The following ROR1 variants were observed in gnomAD, a reference collection of about 807,000 sequenced individuals.
The protein encoded by ROR1 is inactive tyrosine-protein kinase transmembrane receptor ROR1.
Under a neutral mutation model 78.8 loss-of-function variants are expected in ROR1, and 19 were observed. The ratio of observed to expected loss-of-function variants is 0.24; its 90% CI spans 0.17 to 0.35. The LOEUF (loss-of-function observed/expected upper bound fraction) is 0.35. Ranked by LOEUF, ROR1 falls within the 10% of genes least tolerant of loss-of-function variation. The pLI, the probability that ROR1 is intolerant of heterozygous loss-of-function variation, is 1.00. For missense variants in ROR1, 917 were observed against 1,177.8 expected (o/e 0.78, Z 3.24); for synonymous variants, 386 against 433.6 (o/e 0.89, Z 1.36).
At chr1:63,786,256 A>ATTTTTTTTTTTTTTTTT (rs34933492) in intron 1 of ROR1, among the ~76,000 whole-genome samples, 1 of 67,468 alleles carries the variant, frequency 1.5e-5, no homozygotes, top group Non-Finnish European at 2.8e-5. Context: ...CTACAACTTG[A>ATTTTTTTTTTTTTTTTT]TTTTTTTTTT....
intron 1 of ROR1, among the ~76,000 whole-genome samples, chr1:63,818,864 T>C (rs1034450744): frequency 6.6e-6 from 1 of 152,138 alleles, no homozygotes; most frequent in Non-Finnish European, 1.5e-5. Flanking sequence ...CCTAGAGAGG[T>C]TGATTTCTGA....
intron 1 of ROR1, among the ~76,000 whole-genome samples, chr1:63,820,133 A>T (rs1644915249): frequency 6.6e-6 from 1 of 152,216 alleles, no homozygotes; most frequent in African/African-American, 2.4e-5. Flanking sequence ...TCAAAATATC[A>T]GATATCATTT....
chr1:64,150,144 G>A (rs1649581762), intron 7 of ROR1, among the ~76,000 whole-genome samples: 1 of 152,136 alleles, frequency 6.6e-6, no homozygotes, highest in Admixed American at 6.5e-5. Context: ...AGCCATGCCA[G>A]CATGTCTGTT....
At chr1:64,090,868 T>G (rs1394671990) in intron 4 of ROR1, among the ~76,000 whole-genome samples, 3 of 152,170 alleles carry the variant, frequency 2.0e-5, no homozygotes, top group Admixed American at 1.3e-4. Flanking sequence ...GAGAACTCAG[T>G]TCTGTCTAGA....
intron 4 of ROR1, among the ~76,000 whole-genome samples, chr1:64,129,951 C>G (rs950624336): frequency 2.6e-5 from 4 of 152,086 alleles, no homozygotes; most frequent in Non-Finnish European, 5.9e-5. Context: ...CCGTGCTGCT[C>G]TGGAAACTAT....
chr1:63,955,958 A>G (rs918789438), intron 1 of ROR1, among the ~76,000 whole-genome samples: 1 of 152,088 alleles, frequency 6.6e-6, no homozygotes, highest in African/African-American at 2.4e-5. Context: ...GAGTACTTAT[A>G]TGGGAAGAGA....
chr1:64,108,608 G>T (rs1329425920), intron 4 of ROR1, among the ~76,000 whole-genome samples: 1 of 151,958 alleles, frequency 6.6e-6, no homozygotes, highest in East Asian at 1.9e-4. Context: ...GGCTCCCAGT[G>T]CCTAGGCAAG....
chr1:64,037,891 A>G (rs1210634879), intron 2 of ROR1, among the ~76,000 whole-genome samples: 1 of 152,040 alleles, frequency 6.6e-6, no homozygotes, highest in Admixed American at 6.6e-5. Flanking sequence ...ACAACTGCAC[A>G]GCTTCTGCCC....
chr1:63,867,739 C>G (rs1038145445), intron 1 of ROR1, among the ~76,000 whole-genome samples: 4 of 152,218 alleles, frequency 2.6e-5, no homozygotes, highest in Non-Finnish European at 5.9e-5. Context: ...TGGGCCTGCC[C>G]CTGACCACTT....
chr1:63,941,147 G>A lies in ROR1; in HGVS notation c.92-68158G>A, dbSNP rs144309109. On this transcript the variant is annotated intron_variant, in intron 1 of 8. Coordinates refer to ENST00000371079, the MANE Select transcript of ROR1 (RefSeq NM_005012.4). Reference sequence around the variant, plus strand: ...ACCCTGGACTGGGTTTTGTGCTGGAGGGTAGAAAAAACAAATGCTCTGAAG... The same window carrying A: ...ACCCTGGACTGGGTTTTGTGCTGGAAGGTAGAAAAAACAAATGCTCTGAAG... Among the ~76,000 whole-genome samples the A allele has an allele frequency of 5.6e-3, 850 of 152,202 alleles. 7 individuals are homozygous for A. The highest frequency in any genetic ancestry group is 0.02 in the African/African-American group (820 of 41,528).
At chr1:64,138,348 A>G (rs1275487795) in intron 5 of ROR1, among the ~76,000 whole-genome samples, 1 of 152,210 alleles carries the variant, frequency 6.6e-6, no homozygotes, top group Non-Finnish European at 1.5e-5. Context: ...TAGTATAAGT[A>G]TGTCATAAAT....
intron 1 of ROR1, among the ~76,000 whole-genome samples, chr1:63,983,819 G>T (rs549245940): frequency 1.3e-5 from 2 of 152,148 alleles, no homozygotes; most frequent in Non-Finnish European, 2.9e-5. Flanking sequence ...TGAGCTGAAT[G>T]ATTTTGAGAT....
At chr1:63,934,647 A>C (rs939699815) in intron 1 of ROR1, among the ~76,000 whole-genome samples, 1 of 152,226 alleles carries the variant, frequency 6.6e-6, no homozygotes, top group African/African-American at 2.4e-5. Flanking sequence ...ACACTTATTT[A>C]AATTTAACAG....
intron 1 of ROR1, among the ~76,000 whole-genome samples, chr1:63,869,273 G>T (rs1645236382): frequency 1.3e-5 from 2 of 152,158 alleles, no homozygotes; most frequent in Non-Finnish European, 2.9e-5. Context: ...CTGATTATTT[G>T]TAACTTCTAA....
intron 4 of ROR1, among the ~76,000 whole-genome samples, chr1:64,057,502 G>A (rs1646884619): frequency 6.6e-6 from 1 of 152,116 alleles, no homozygotes; most frequent in East Asian, 1.9e-4. Context: ...CTTAGGGCAG[G>A]GAGCCAGGAG....
chr1:63,795,980 C>A (rs1170010474), intron 1 of ROR1, among the ~76,000 whole-genome samples: 1 of 152,044 alleles, frequency 6.6e-6, no homozygotes, highest in Non-Finnish European at 1.5e-5. Context: ...TCATTAAAAC[C>A]CCCATCAGAC....
intron 1 of ROR1, among the ~76,000 whole-genome samples, chr1:63,895,480 G>A (rs1187070660): frequency 4.6e-5 from 7 of 152,172 alleles, no homozygotes; most frequent in Non-Finnish European, 1.0e-4. Context: ...GACCAAGGTG[G>A]AATTTGAAGT....
At chr1:63,850,883 G>C (rs1402934995) in intron 1 of ROR1, among the ~76,000 whole-genome samples, 1 of 152,142 alleles carries the variant, frequency 6.6e-6, no homozygotes, top group African/African-American at 2.4e-5. Flanking sequence ...ATTTACAGTA[G>C]GTTCATTGCA....
chr1:64,145,415 T>A (rs1230261872), intron 7 of ROR1, among the ~76,000 whole-genome samples: 1 of 152,238 alleles, frequency 6.6e-6, no homozygotes, highest in Non-Finnish European at 1.5e-5. Context: ...TCCTACCTGT[T>A]ACTTGTTATT....
Sources: gnomAD v4.1 joint callset for allele counts (sites outside exome capture counted in the v4.1 genomes callset) on GRCh38, gnomAD v4.1.1 for gene constraint, MANE v1.5 for transcripts, NCBI Gene and HGNC (gene_info 2026-07-23, HGNC 2026-07-21) for gene names.